The following C1QTNF3 variants were observed in gnomAD, a reference collection of about 807,000 sequenced individuals.
The protein encoded by C1QTNF3 is complement C1q tumor necrosis factor-related protein 3.
C1QTNF3 carries 26 observed loss-of-function variants against 32.6 expected under a neutral mutation model. The ratio of observed to expected loss-of-function variants is 0.80; its 90% confidence interval spans 0.58 to 1.11. C1QTNF3 has a LOEUF of 1.11. Ranked by LOEUF, C1QTNF3 falls within the 50% of genes least tolerant of loss-of-function variation. C1QTNF3 has a pLI of 0.00. For missense variants in C1QTNF3, 362 were observed against 398.2 expected, an observed-to-expected ratio of 0.91 and a Z score of 0.77; for synonymous variants, 155 against 146.0, an observed-to-expected ratio of 1.06 and a Z score of -0.44.
chr5:34,115,459 G>A, the C1QTNF3 span, among the ~76,000 whole-genome samples: 26 of 152,158 alleles, frequency 1.7e-4, no homozygotes, highest in African/African-American at 5.5e-4. Flanking sequence ...GGCCGGACAC[G>A]GTGGCTCATG....
the C1QTNF3 span, among the ~76,000 whole-genome samples, chr5:34,173,198 T>C: frequency 4.6e-5 from 7 of 152,274 alleles, no homozygotes; most frequent in East Asian, 3.9e-4. Context: ...ATAAAACTTA[T>C]ATTAGATTTC....
At chr5:34,232,217 C>A in the C1QTNF3 span, among the ~76,000 whole-genome samples, 3 of 152,056 alleles carry the variant, frequency 2.0e-5, no homozygotes, top group African/African-American at 7.2e-5. Flanking sequence ...TCCCTGTACC[C>A]CCACTGTATC....
the C1QTNF3 span, among the ~76,000 whole-genome samples, chr5:34,059,964 C>T: frequency 1.3e-5 from 2 of 152,134 alleles, no homozygotes; most frequent in African/African-American, 4.8e-5. Context: ...AATAGGCAGG[C>T]CTCTGAGGGG....
At chr5:34,184,259 C>A in the C1QTNF3 span, among the ~76,000 whole-genome samples, 1 of 152,426 alleles carries the variant, frequency 6.6e-6, no homozygotes, top group South Asian at 2.1e-4. Context: ...AAAAAAAAAT[C>A]TCATTAGAAA....
the C1QTNF3 span, among the ~76,000 whole-genome samples, chr5:34,144,691 A>T: frequency 6.6e-6 from 1 of 152,368 alleles, no homozygotes; most frequent in Admixed American, 6.5e-5. Flanking sequence ...TCTTCAGAGA[A>T]CATCAAAATT....
chr5:34,073,042 T>C, the C1QTNF3 span, among the ~76,000 whole-genome samples: 1 of 152,158 alleles, frequency 6.6e-6, no homozygotes, highest in Non-Finnish European at 1.5e-5. Flanking sequence ...AAAAATGTAA[T>C]TGTGGCCGGG....
the C1QTNF3 span, among the ~76,000 whole-genome samples, chr5:34,081,234 A>G: frequency 2.0e-5 from 3 of 151,768 alleles, no homozygotes; most frequent in African/African-American, 4.9e-5. Context: ...CTATAAAAAA[A>G]TGAACTTCCA....
chr5:34,150,239 C>T, the C1QTNF3 span, among the ~76,000 whole-genome samples: 1 of 78,956 alleles, frequency 1.3e-5, no homozygotes, highest in Non-Finnish European at 2.3e-5. Flanking sequence ...GAGACTTAGA[C>T]TCCCACACAT....
the C1QTNF3 span, among the ~76,000 whole-genome samples, chr5:34,073,709 C>T: frequency 6.6e-6 from 1 of 152,096 alleles, no homozygotes; most frequent in African/African-American, 2.4e-5. Flanking sequence ...TATTCTCTAG[C>T]TCCCCAAATA....
chr5:34,076,071 A>T, the C1QTNF3 span, among the ~76,000 whole-genome samples: 1 of 151,720 alleles, frequency 6.6e-6, no homozygotes. Flanking sequence ...TAGAGTCATC[A>T]GAATCATACA....
At chr5:34,134,714 C>A in the C1QTNF3 span, among the ~76,000 whole-genome samples, 1 of 152,060 alleles carries the variant, frequency 6.6e-6, no homozygotes, top group South Asian at 2.1e-4. Flanking sequence ...CATGATTTGG[C>A]TCTCTGTTTG....
At chr5:34,203,756 C>A in the C1QTNF3 span, among the ~76,000 whole-genome samples, 1 of 149,476 alleles carries the variant, frequency 6.7e-6, no homozygotes, top group African/African-American at 2.5e-5. Context: ...ATTATGCTTA[C>A]AAGAAACATA....
the C1QTNF3 span, among the ~76,000 whole-genome samples, chr5:34,141,770 T>G: frequency 1.1e-4 from 16 of 152,106 alleles, no homozygotes; most frequent in Non-Finnish European, 2.2e-4. Flanking sequence ...TGGTATAAAT[T>G]GCAGTTATAA....
chr5:34,139,852 C>T, the C1QTNF3 span, among the ~76,000 whole-genome samples: 1 of 152,182 alleles, frequency 6.6e-6, no homozygotes, highest in African/African-American at 2.4e-5. Flanking sequence ...ATATGTTTAT[C>T]TGAAGTACCG....
At chr5:34,139,518 C>G in the C1QTNF3 span, among the ~76,000 whole-genome samples, 3 of 151,986 alleles carry the variant, frequency 2.0e-5, no homozygotes, top group Admixed American at 1.3e-4. Flanking sequence ...AGGAAAAATA[C>G]AATCAATTCA....
chr5:34,057,190 GA>G, the C1QTNF3 span, among the ~76,000 whole-genome samples: 1 of 152,164 alleles, frequency 6.6e-6, no homozygotes, highest in Admixed American at 6.5e-5. Flanking sequence ...ACCACACTTT[GA>G]AAAGGACTCA....
chr5:34,177,534 T>G, the C1QTNF3 span, among the ~76,000 whole-genome samples: 1 of 140,352 alleles, frequency 7.1e-6, no homozygotes, highest in African/African-American at 2.7e-5. Flanking sequence ...TCGCCCAGGC[T>G]GGAGTGCAGT....
At chr5:34,133,172 G>A in the C1QTNF3 span, among the ~76,000 whole-genome samples, 1 of 152,180 alleles carries the variant, frequency 6.6e-6, no homozygotes, top group African/African-American at 2.4e-5. Context: ...TTAGTTACGT[G>A]TTAAATCTTC....
At chr5:34,113,719 A>G in the C1QTNF3 span, among the ~76,000 whole-genome samples, 2 of 152,168 alleles carry the variant, frequency 1.3e-5, no homozygotes, top group East Asian at 1.9e-4. Flanking sequence ...TAGCAAACAT[A>G]TATTTCACTT....
Sources: allele counts gnomAD v4.1 joint callset (sites outside exome capture counted in the v4.1 genomes callset), GRCh38; gene constraint gnomAD v4.1.1; transcripts MANE v1.5; gene names NCBI Gene and HGNC (gene_info 2026-07-23, HGNC 2026-07-21).